Variants in BACH2 observed in about 807,000 individuals in gnomAD.
BACH2 encodes transcription regulator protein BACH2.
BACH2 carries 5 observed loss-of-function variants against 61.8 expected under a neutral mutation model. The observed-to-expected ratio is 0.08, with a 90% CI of 0.04 to 0.17. The LOEUF (loss-of-function observed/expected upper bound fraction) is 0.17. Among genes scored for constraint, BACH2 ranks in the 10% least tolerant of loss-of-function variants. The probability of loss-of-function intolerance (pLI) is 1.00; values close to 1 mark genes in which losing one functional copy is unlikely to be tolerated. For synonymous variants in BACH2, 446 were observed against 440.1 expected (o/e 1.01, Z -0.17); for missense variants, 824 against 1,091.1 (o/e 0.76, Z 3.45).
rs561171165 is a variant in BACH2, at chr6:90,157,329, A to C, written c.-162+49240T>G. On this transcript the variant is annotated intron_variant, in intron 4 of 8. Coordinates refer to ENST00000257749, the MANE Select transcript of BACH2 (RefSeq NM_021813.4). ...AAATGAGAAAAGAGAAAACAATTAC[A>C]AAGGAACTCTAAGGGCACAAAAATT... Among the ~76,000 whole-genome samples, 8 of 152,362 alleles carry C rather than the reference A, an allele frequency of 5.3e-5. No individual in the cohort carries two copies. In the East Asian group the frequency reaches 1.3e-3, roughly 26 times the overall value.
chr6:90,260,321 G>A (rs1307438069), intron 2 of BACH2, among the ~76,000 whole-genome samples: 1 of 151,904 alleles, frequency 6.6e-6, no homozygotes, highest in African/African-American at 2.4e-5. Context: ...GGTTGTTCTG[G>A]GGCATGTTGT....
chr6:90,290,992 GGGACCTAGCAACCA>G (rs1191043035), intron 1 of BACH2, among the ~76,000 whole-genome samples: 2 of 152,170 alleles, frequency 1.3e-5, no homozygotes, highest in Non-Finnish European at 2.9e-5. Context: ...AAGGACAGGA[GGGACCTAGCAACCA>G]AGCGCCGGCT....
intron 4 of BACH2, among the ~76,000 whole-genome samples, chr6:90,157,488 C>T (rs1297948365): frequency 6.6e-6 from 1 of 152,172 alleles, no homozygotes; most frequent in Non-Finnish European, 1.5e-5. Context: ...GACAGAGTTG[C>T]CTGGAAGTAA....
At chr6:90,288,046 T>C (rs1298746019) in intron 1 of BACH2, among the ~76,000 whole-genome samples, 7 of 152,196 alleles carry the variant, frequency 4.6e-5, no homozygotes, top group Non-Finnish European at 8.8e-5. Context: ...CCATCATCCC[T>C]GGCACTTATC....
intron 1 of BACH2, among the ~76,000 whole-genome samples, chr6:90,272,448 C>A (rs1771555708): frequency 6.6e-6 from 1 of 152,094 alleles, no homozygotes; most frequent in South Asian, 2.1e-4. Flanking sequence ...GCCCCCCAAT[C>A]ATCCCCATTC....
intron 3 of BACH2, among the ~76,000 whole-genome samples, chr6:90,233,667 T>G (rs1770169781): frequency 6.6e-6 from 1 of 152,208 alleles, no homozygotes; most frequent in South Asian, 2.1e-4. Flanking sequence ...CCAAAGTCAA[T>G]GCTCAATAAA....
At chr6:89,952,258 C>G (rs1031264518) in intron 6 of BACH2, among the ~76,000 whole-genome samples, 2 of 152,134 alleles carry the variant, frequency 1.3e-5, no homozygotes, top group East Asian at 3.9e-4. Flanking sequence ...ACACTTCTTG[C>G]AGCTTGCTGG....
At chr6:90,151,114 A>G (rs1298861524) in intron 4 of BACH2, among the ~76,000 whole-genome samples, 2 of 152,182 alleles carry the variant, frequency 1.3e-5, no homozygotes, top group Non-Finnish European at 2.9e-5. Context: ...ACTAGCATAG[A>G]TCTTTCCACT....
chr6:90,087,727 G>GTTTTTTTT (rs11403190), intron 5 of BACH2, among the ~76,000 whole-genome samples: 1 of 149,330 alleles, frequency 6.7e-6, no homozygotes, highest in Non-Finnish European at 1.5e-5. Context: ...CCATGTGTGT[G>GTTTTTTTT]TTTTTTTTTT....
At chr6:90,245,514 T>C (rs1770604226) in intron 3 of BACH2, among the ~76,000 whole-genome samples, 1 of 152,160 alleles carries the variant, frequency 6.6e-6, no homozygotes, top group African/African-American at 2.4e-5. Context: ...CAGTGAACTG[T>C]GACGGTGGCA....
Position 89,939,666 on chromosome 6 carries a change from T to C in BACH2, c.1837-1316A>G, listed in dbSNP as rs866912537. 5.4e-4 allele frequency among the ~76,000 whole-genome samples: 70 copies of C among 128,512 alleles called. 1 individual carries two copies. Among genetic ancestry groups the C allele is most frequent in the Admixed American group, 2.1e-3 (27 of 13,142 alleles). 84.3% of individuals were successfully genotyped at this position (128,512 alleles called of 152,430 possible). A position where few individuals can be genotyped will look rare whatever the true frequency, so the allele number is the denominator to read the frequency against. On this transcript the variant is annotated intron_variant, in intron 7 of 8. Coordinates refer to ENST00000257749, the MANE Select transcript of BACH2 (RefSeq NM_021813.4). ...TGATTGCTTATATTTCTTTTTTTTT[T>C]TTTTTTTTTTTTTTTTGAGACAGGG...
At chr6:89,969,212 C>T (rs939856020) in intron 6 of BACH2, among the ~76,000 whole-genome samples, 2 of 151,794 alleles carry the variant, frequency 1.3e-5, no homozygotes, top group Admixed American at 6.6e-5. Flanking sequence ...TGTCACCACG[C>T]CCAGCTAATT....
intron 4 of BACH2, among the ~76,000 whole-genome samples, chr6:90,176,375 C>T (rs914617009): frequency 2.6e-5 from 4 of 151,984 alleles, no homozygotes; most frequent in South Asian, 2.1e-4. Context: ...GTTCAGTGGT[C>T]GAAAAACAGG....
At chr6:90,035,069 C>G (rs1287847056) in intron 5 of BACH2, among the ~76,000 whole-genome samples, 3 of 152,050 alleles carry the variant, frequency 2.0e-5, no homozygotes, top group Admixed American at 2.0e-4. Context: ...TATAATTACC[C>G]CTTAGATAAT....
At chr6:90,057,577 C>A (rs1015916419) in intron 5 of BACH2, among the ~76,000 whole-genome samples, 1 of 152,210 alleles carries the variant, frequency 6.6e-6, no homozygotes, top group Non-Finnish European at 1.5e-5. Context: ...CCTTCTGAAA[C>A]TATTCCAATC....
At chr6:89,967,417 C>T (rs1279883909) in intron 6 of BACH2, among the ~76,000 whole-genome samples, 1 of 152,202 alleles carries the variant, frequency 6.6e-6, no homozygotes, top group African/African-American at 2.4e-5. Context: ...ACACCTACAG[C>T]ATCCCGGGTG....
intron 2 of BACH2, among the ~76,000 whole-genome samples, chr6:90,261,187 C>A (rs564311615): frequency 6.6e-6 from 1 of 152,256 alleles, no homozygotes; most frequent in Non-Finnish European, 1.5e-5. Flanking sequence ...CTCCTTTGTT[C>A]CCATCTATTA....
chr6:89,927,714 T>G lies in BACH2; in HGVS notation c.*4694A>C, dbSNP rs1248479687. The G allele has an allele frequency of 6.5e-6, 1 of 152,850 alleles. No individual in the cohort carries two copies. The highest frequency in any genetic ancestry group is 2.1e-4 in the South Asian group (1 of 4,836). The allele number at this position is 152,850 out of a possible 1,614,324, so 9.5% of individuals were successfully genotyped here. On this transcript the variant is annotated 3_prime_UTR_variant, in exon 9 of 9. Coordinates refer to ENST00000257749, the MANE Select transcript of BACH2 (RefSeq NM_021813.4). The stretch of plus-strand genomic sequence containing the variant: ...TCATATTACATTTAAAATGCACTGA[T>G]ATTCATTTGATAGAAATATCATCTC...
chr6:90,285,565 G>T (rs535583027), intron 1 of BACH2, among the ~76,000 whole-genome samples: 2 of 152,258 alleles, frequency 1.3e-5, no homozygotes, highest in East Asian at 3.9e-4. Context: ...TTTTCCTGAG[G>T]CATATCCAGA....
Sources: allele counts gnomAD v4.1 joint callset (sites outside exome capture counted in the v4.1 genomes callset), GRCh38; gene constraint gnomAD v4.1.1; transcripts MANE v1.5; gene names NCBI Gene and HGNC (gene_info 2026-07-23, HGNC 2026-07-21).